SORBS2: variants seen among roughly 807,000 people sequenced by gnomAD.
SORBS2 encodes the protein sorbin and SH3 domain containing 2.
In SORBS2, 46 loss-of-function variants were observed where a neutral mutation model predicts 97.7. The ratio of observed to expected loss-of-function variants is 0.47; its 90% CI spans 0.37 to 0.60. The LOEUF (loss-of-function observed/expected upper bound fraction) is 0.60, where lower values mean the gene tolerates loss of function less well. Ranked by LOEUF, SORBS2 falls within the 20% of genes least tolerant of loss-of-function variation. The pLI is 0.00. For synonymous variants in SORBS2, 476 were observed against 473.4 expected (o/e 1.01, Z -0.07); for missense variants, 1,316 against 1,282.3 (o/e 1.03, Z -0.40).
intron 1 of SORBS2, among the ~76,000 whole-genome samples, chr4:185,841,487 A>T (rs2099211512): frequency 6.6e-6 from 1 of 152,186 alleles, no homozygotes; most frequent in African/African-American, 2.4e-5. Flanking sequence ...AAGGTGCCAG[A>T]GCCCCAGATT....
At chr4:185,771,844 T>C (rs1333238707) in intron 2 of SORBS2, 5 of 152,168 alleles carry the variant, frequency 3.3e-5, no homozygotes, top group African/African-American at 1.2e-4. Flanking sequence ...GATCTTAGTG[T>C]CCTGGGTGGC....
chr4:185,851,370 C>T (rs993073217), intron 1 of SORBS2, among the ~76,000 whole-genome samples: 6 of 152,046 alleles, frequency 3.9e-5, no homozygotes, highest in African/African-American at 1.2e-4. Flanking sequence ...TATTCTTTTA[C>T]GTTCCTTTAA....
chr4:185,648,819 T>A (rs1038490), intron 3 of SORBS2, among the ~76,000 whole-genome samples: 57,066 of 151,964 alleles, frequency 0.38, 13,274 homozygotes, highest in South Asian at 0.51. Context: ...CGGAATCAAA[T>A]GATATGACAC....
At chr4:185,763,223 C>T (rs1164236884) in intron 2 of SORBS2, among the ~76,000 whole-genome samples, 2 of 152,034 alleles carry the variant, frequency 1.3e-5, no homozygotes, top group African/African-American at 2.4e-5. Flanking sequence ...AAAGCAGGTA[C>T]AAGAAGATCA....
rs887452214 is a variant in SORBS2, at chr4:185,620,402, G to A, written c.2216-251C>T. ...TCTATATAAATATGATTACTACATT[G>A]CTGATTAATTATATTGCCACACCCA... On this transcript the variant is annotated intron_variant, in intron 7 of 14. Transcript: ENST00000418609. 1.3e-5 allele frequency among the ~76,000 whole-genome samples: 2 copies of A among 152,144 alleles called. 1 individual carries two copies. The highest frequency in any genetic ancestry group is 2.9e-5 in the Non-Finnish European group (2 of 68,020).
rs144694183 is a variant in SORBS2 at position 185,689,337 on chromosome 4, C to T, written c.-197-10515G>A. On this transcript the variant is annotated intron_variant, in intron 2 of 20. Transcript: ENST00000284776. ...CTGGAGTGACTTTGTAGCTCCAAAA[C>T]ATGGCTGATGCTAGTCCAGCTGTGG... 7.6e-4 allele frequency among the ~76,000 whole-genome samples: 116 copies of T among 152,344 alleles called. 1 individual carries two copies. In the East Asian group the frequency reaches 7.9e-3, roughly 10 times the overall value.
intron 2 of SORBS2, among the ~76,000 whole-genome samples, chr4:185,770,694 T>A (rs1385834614): frequency 6.9e-6 from 1 of 145,048 alleles, no homozygotes; most frequent in Non-Finnish European, 1.5e-5. Context: ...AAACACTGAT[T>A]TAAAAAAAAA....
At chr4:185,657,766 C>T (rs138987191), upstream of SORBS2, among the ~76,000 whole-genome samples, 4 of 152,092 alleles carry the variant, frequency 2.6e-5, no homozygotes, top group Admixed American at 6.5e-5. Flanking sequence ...TGTAGGTGTG[C>T]GGGGAACAGA....
intron 1 of SORBS2, among the ~76,000 whole-genome samples, chr4:185,871,149 G>A (rs2099230219): frequency 6.6e-6 from 1 of 152,190 alleles, no homozygotes; most frequent in East Asian, 1.9e-4. Flanking sequence ...TAGTGTACAT[G>A]TCAGGCACTT....
chr4:185,834,680 G>A (rs1463374778), intron 1 of SORBS2, among the ~76,000 whole-genome samples: 2 of 151,510 alleles, frequency 1.3e-5, no homozygotes, highest in East Asian at 1.9e-4. Flanking sequence ...CCTAGGTTGG[G>A]CCTTATACAT....
rs536971070 is a variant in SORBS2 at position 185,693,490 on chromosome 4, G to C, written c.-197-14668C>G. Among the ~76,000 whole-genome samples, 8 of 152,250 alleles carry C rather than the reference G, an allele frequency of 5.3e-5. No homozygotes were observed. The South Asian group carries it at 1.7e-3, about 32-fold the overall frequency. On this transcript the variant is annotated intron_variant, in intron 2 of 20. Coordinates refer to the SORBS2 transcript ENST00000284776. ...TGGACAAAATAAATGGAAAAGAAAA[G>C]CCTCAGGGGATGTCTGTGACTGAGA...
At chr4:185,883,809 C>T (rs545923043) in intron 1 of SORBS2, among the ~76,000 whole-genome samples, 153 of 152,310 alleles carry the variant, frequency 1.0e-3, no homozygotes, top group African/African-American at 3.5e-3. Context: ...GATCATGCCA[C>T]TGTATGCCAG....
chr4:185,707,701 A>G (rs1193339236), intron 2 of SORBS2, among the ~76,000 whole-genome samples: 2 of 152,188 alleles, frequency 1.3e-5, no homozygotes, highest in Non-Finnish European at 2.9e-5. Context: ...ACAGTTCCAC[A>G]TGGCTGGGGA....
exon 7 of SORBS2, chr4:185,624,348 C>T (rs2096773635): frequency 1.9e-6 from 3 of 1,614,044 alleles, no homozygotes; most frequent in Non-Finnish European, 1.7e-6. Flanking sequence ...ATTTGCCAGC[C>T]GTTCTTGAAA....
At chr4:185,914,026 G>T (rs933357761) in intron 1 of SORBS2, among the ~76,000 whole-genome samples, 10 of 152,078 alleles carry the variant, frequency 6.6e-5, no homozygotes, top group African/African-American at 2.4e-4. Context: ...GACACACAAA[G>T]CTTAAAAATA....
At chr4:185,596,032 G>A (rs1327717797) in intron 12 of SORBS2, among the ~76,000 whole-genome samples, 1 of 151,960 alleles carries the variant, frequency 6.6e-6, no homozygotes, top group East Asian at 1.9e-4. Context: ...AACAATCATA[G>A]CACCATTTGC....
At chr4:185,840,955 G>A (rs1427204498) in intron 1 of SORBS2, among the ~76,000 whole-genome samples, 10 of 152,250 alleles carry the variant, frequency 6.6e-5, no homozygotes, top group South Asian at 2.1e-4. Flanking sequence ...GGGAGAGGGC[G>A]TAAAGCAAAG....
intron 1 of SORBS2, among the ~76,000 whole-genome samples, chr4:185,805,600 C>T (rs76618410): frequency 0.022 from 3,404 of 152,250 alleles, 59 homozygotes; most frequent in Non-Finnish European, 0.035. Flanking sequence ...CCTCCCTTTG[C>T]GTAAACTGGT....
At chr4:185,823,196 T>C (rs1457138206) in intron 1 of SORBS2, among the ~76,000 whole-genome samples, 1 of 152,240 alleles carries the variant, frequency 6.6e-6, no homozygotes, top group Non-Finnish European at 1.5e-5. Flanking sequence ...TTCCCCTTTA[T>C]GTACCGAAGT....
Sources: gnomAD v4.1 joint callset for allele counts (sites outside exome capture counted in the v4.1 genomes callset) on GRCh38, gnomAD v4.1.1 for gene constraint, MANE v1.5 for transcripts, NCBI Gene and HGNC (gene_info 2026-07-23, HGNC 2026-07-21) for gene names.